COL4A5: variants seen among roughly 807,000 people sequenced by gnomAD.
The protein encoded by COL4A5 is collagen alpha-5(IV) chain.
Under a neutral mutation model 130.2 loss-of-function variants are expected in COL4A5, and 26 were observed. That is an observed-to-expected ratio of 0.20 (90% confidence interval 0.15 to 0.28). COL4A5 has a LOEUF of 0.28. Ranked by LOEUF, COL4A5 falls within the 10% of genes least tolerant of loss-of-function variation. The pLI, the probability that COL4A5 is intolerant of heterozygous loss-of-function variation, is 1.00. For synonymous variants in COL4A5, 496 were observed against 439.6 expected (o/e 1.13, Z -1.60); for missense variants, 1,131 against 1,344.3 (o/e 0.84, Z 2.48).
chrX:108,505,047 A>G (rs1194216050), intron 1 of COL4A5, among the ~76,000 whole-genome samples: 1 of 112,143 alleles, frequency 8.9e-6, no homozygotes, highest in African/African-American at 3.2e-5. Context: ...AATGCTACTC[A>G]ACCACAAAAA....
chrX:108,580,686 C>A lies in COL4A5; in HGVS notation c.839C>A (p.Pro280His). 8.3e-7 allele frequency: 1 copy of A among 1,209,835 alleles called. No individual in the cohort carries two copies. The change falls in exon 15 of 53, where the codon CCC becomes CAC. Residue 280 changes from proline to histidine, a missense_variant. Transcript: ENST00000328300. ...GPPGIRGPPGPPGGEKGEKGE... is the reference protein window; with the variant it reads ...GPPGIRGPPGHPGGEKGEKGE... ...AAACTATTTTTATGTGTACAGGGTC[C>A]CCCAGGTGGTGAGAAAGGTGAGAAG...
chrX:108,513,893 TA>T (rs1294445836), intron 1 of COL4A5, among the ~76,000 whole-genome samples: 1 of 112,034 alleles, frequency 8.9e-6, no homozygotes, highest in East Asian at 2.8e-4. Context: ...CATGACCTTT[TA>T]TGTTTTAATC....
chrX:108,525,882 G>A (rs1051366015), intron 1 of COL4A5, among the ~76,000 whole-genome samples: 1 of 111,294 alleles, frequency 9.0e-6, no homozygotes, highest in African/African-American at 3.3e-5. Flanking sequence ...TGATCTTCCT[G>A]GCTTGCCTCT....
At chrX:108,525,566 A>T (rs1271101067) in intron 1 of COL4A5, among the ~76,000 whole-genome samples, 1 of 110,609 alleles carries the variant, frequency 9.0e-6, no homozygotes, top group African/African-American at 3.3e-5. Flanking sequence ...TGTTGTTCTT[A>T]TGTTCCTCCT....
chrX:108,603,329 A>G (rs1046110308), intron 28 of COL4A5, among the ~76,000 whole-genome samples: 1 of 109,457 alleles, frequency 9.1e-6, no homozygotes, highest in Non-Finnish European at 1.9e-5. Flanking sequence ...TAGAGAATAC[A>G]GGCATACCTT....
At chrX:108,451,873 G>T (rs1214499535) in intron 1 of COL4A5, among the ~76,000 whole-genome samples, 5 of 111,508 alleles carry the variant, frequency 4.5e-5, no homozygotes, top group Non-Finnish European at 9.4e-5. Context: ...GTCAATTTTG[G>T]CTTTTGTTGC....
chrX:108,557,277 G>A (rs2065836283), intron 2 of COL4A5, among the ~76,000 whole-genome samples: 2 of 110,904 alleles, frequency 1.8e-5, no homozygotes, highest in South Asian at 7.7e-4. Flanking sequence ...ATAATTTGAG[G>A]GAATCTAGCT....
chrX:108,683,977 A>G (rs1223089423), intron 47 of COL4A5, among the ~76,000 whole-genome samples: 1 of 111,681 alleles, frequency 9.0e-6, no homozygotes, highest in Non-Finnish European at 1.9e-5. Flanking sequence ...AAACCGCACA[A>G]CTACATGGAA....
intron 1 of COL4A5, among the ~76,000 whole-genome samples, chrX:108,457,412 A>T (rs1007370268): frequency 2.7e-5 from 3 of 112,141 alleles, no homozygotes; most frequent in Non-Finnish European, 3.8e-5. Context: ...AAAAATAATT[A>T]GCATTTTATC....
intron 36 of COL4A5, among the ~76,000 whole-genome samples, chrX:108,654,179 A>G (rs911162300): frequency 6.2e-5 from 7 of 112,599 alleles, no homozygotes; most frequent in Admixed American, 2.8e-4. Flanking sequence ...ATATGTTGCC[A>G]TTGTTATTGG....
chrX:108,632,582 A>G (rs866955122), intron 36 of COL4A5, among the ~76,000 whole-genome samples: 57 of 111,842 alleles, frequency 5.1e-4, no homozygotes, highest in African/African-American at 1.8e-3. Context: ...AAAATCCTCA[A>G]TAAAATACTG....
chrX:108,653,651 C>A (rs56915027), intron 36 of COL4A5, among the ~76,000 whole-genome samples: 11,702 of 111,318 alleles, frequency 0.11, 1,302 homozygotes, highest in African/African-American at 0.34. Flanking sequence ...AATTTAATGT[C>A]CTTTAGTATC....
At chrX:108,570,143 A>G (rs193049994) in intron 6 of COL4A5, among the ~76,000 whole-genome samples, 1 of 111,454 alleles carries the variant, frequency 9.0e-6, no homozygotes, top group Non-Finnish European at 1.9e-5. Flanking sequence ...CTTCAGGTCA[A>G]TGTAACCCTT....
chrX:108,440,054 A>G lies in COL4A5; in HGVS notation c.-72A>G, dbSNP rs971499766. 6.1e-5 allele frequency: 50 copies of G among 818,213 alleles called. No individual in the cohort carries two copies. Among genetic ancestry groups the G allele is most frequent in the Non-Finnish European group, 8.4e-5 (46 of 550,002 alleles). 67.4% of individuals were successfully genotyped at this position (818,213 alleles called of 1,213,427 possible). ...AGCTCTCTCCATATAAACCCTCAAG[A>G]TTATGTCAATTGGTTAGAGCCAGCC... On this transcript the variant is annotated 5_prime_UTR_variant, in exon 1 of 53. Transcript: ENST00000328300.
intron 1 of COL4A5, among the ~76,000 whole-genome samples, chrX:108,518,804 TA>T (rs2147605291): frequency 1.8e-5 from 2 of 111,542 alleles, no homozygotes; most frequent in South Asian, 7.4e-4. Context: ...CTGTTCTGGT[TA>T]AAAGGCTTTC....
In COL4A5 at chrX:108,559,094, C is replaced by A; in HGVS notation, c.172C>A (p.His58Asn). Reference protein sequence around the residue: ...GERGFPGLEGHPGLPGFPGPE... With the variant: ...GERGFPGLEGNPGLPGFPGPE... Reference sequence around the variant, plus strand: ...GAGAGGGTTTCCAGGTTTGGAAGGACACCCAGGATTGCCTGGATTTCCAGG... The same window carrying A: ...GAGAGGGTTTCCAGGTTTGGAAGGAAACCCAGGATTGCCTGGATTTCCAGG... The change falls in exon 3 of 53, where the codon CAC becomes AAC. Residue 58 changes from histidine to asparagine, a missense_variant. By Grantham distance (68) the His-to-Asn change is moderately conservative. Coordinates refer to ENST00000328300, the MANE Select transcript of COL4A5 (RefSeq NM_033380.3). 8.3e-7 allele frequency: 1 copy of A among 1,210,614 alleles called. No individual in the cohort carries two copies. The highest frequency in any genetic ancestry group is 1.1e-6 in the Non-Finnish European group (1 of 894,424).
At chrX:108,581,087 A>G (rs1006764117) in intron 16 of COL4A5, 60 bp downstream of exon 16, 37 of 1,012,711 alleles carry the variant, frequency 3.7e-5, no homozygotes, top group Non-Finnish European at 4.9e-5. Flanking sequence ...TTGGTATAAC[A>G]TAAGGTGGCA....
chrX:108,608,120 C>T (rs922690484), intron 29 of COL4A5, among the ~76,000 whole-genome samples: 1 of 111,534 alleles, frequency 9.0e-6, no homozygotes, highest in Non-Finnish European at 1.9e-5. Flanking sequence ...AGGGTAAATG[C>T]ATCTCTGGAT....
At chrX:108,568,010 C>T (rs2066000072) in intron 4 of COL4A5, among the ~76,000 whole-genome samples, 2 of 111,842 alleles carry the variant, frequency 1.8e-5, no homozygotes, top group Admixed American at 1.9e-4. Context: ...CTTTGTTTCT[C>T]ATATTTTGTT....
Sources: gnomAD v4.1 joint callset for allele counts (sites outside exome capture counted in the v4.1 genomes callset) on GRCh38, gnomAD v4.1.1 for gene constraint, MANE v1.5 for transcripts, NCBI Gene and HGNC (gene_info 2026-07-23, HGNC 2026-07-21) for gene names.